SLC30A7: variants seen among roughly 807,000 people sequenced by gnomAD.
SLC30A7 encodes solute carrier family 30 member 7, also known as zinc transporter 7.
Under a neutral mutation model 46.0 loss-of-function variants are expected in SLC30A7, and 35 were observed. The observed-to-expected ratio is 0.76, with a 90% CI of 0.58 to 1.01. SLC30A7 has a LOEUF of 1.01. Among genes scored for constraint, SLC30A7 ranks in the 50% least tolerant of loss-of-function variants. SLC30A7 has a pLI of 0.00. For missense variants in SLC30A7, 464 were observed against 451.1 expected (o/e 1.03, Z -0.26); for synonymous variants, 147 against 157.8 (o/e 0.93, Z 0.51).
chr1:100,984,034 G>A (rs903872854), downstream of SLC30A7, among the ~76,000 whole-genome samples: 3 of 152,166 alleles, frequency 2.0e-5, no homozygotes, highest in Non-Finnish European at 4.4e-5. Flanking sequence ...GACCTCAGAA[G>A]AAGGCAAAGT....
chr1:100,926,768 A>AT (rs1653329724), intron 8 of SLC30A7, among the ~76,000 whole-genome samples: 1 of 102,290 alleles, frequency 9.8e-6, no homozygotes, highest in South Asian at 2.7e-4. Flanking sequence ...TGCCAGGCAA[A>AT]TAGCCTACCC....
At chr1:100,971,621 T>C (rs12136331) in intron 10 of SLC30A7, among the ~76,000 whole-genome samples, 1,545 of 152,262 alleles carry the variant, frequency 0.01, 14 homozygotes, top group Non-Finnish European at 0.017. Context: ...TGCCAAGTAC[T>C]GTGATCAGTA....
intron 6 of SLC30A7, among the ~76,000 whole-genome samples, chr1:100,915,701 T>A (rs1652497541): frequency 6.6e-6 from 1 of 152,216 alleles, no homozygotes; most frequent in African/African-American, 2.4e-5. Context: ...TTAGCTTGCT[T>A]CCATGTCTTG....
intron 8 of SLC30A7, among the ~76,000 whole-genome samples, chr1:100,934,069 T>G (rs1653818551): frequency 6.6e-6 from 1 of 152,244 alleles, no homozygotes; most frequent in Non-Finnish European, 1.5e-5. Flanking sequence ...ATCATTGTGC[T>G]TGGTGCACAG....
chr1:100,902,390 AATTTTTATTTTT>A (rs1310471194), intron 2 of SLC30A7, among the ~76,000 whole-genome samples: 1 of 152,140 alleles, frequency 6.6e-6, no homozygotes, highest in African/African-American at 2.4e-5. Context: ...GTGCAAAAGG[AATTTTTATTTTT>A]ATTTTTATTT....
chr1:100,920,801 T>G (rs1652886104), intron 7 of SLC30A7, among the ~76,000 whole-genome samples: 1 of 152,028 alleles, frequency 6.6e-6, no homozygotes, highest in Non-Finnish European at 1.5e-5. Flanking sequence ...TTTTTATGCA[T>G]TAACTATTTC....
rs1352603109 is a variant in SLC30A7 at position 100,978,862 on chromosome 1, A to C, written c.*4005A>C. The C allele has an allele frequency of 3.9e-5, 6 of 152,186 alleles. No homozygotes were observed. The highest frequency in any genetic ancestry group is 1.4e-4 in the African/African-American group (6 of 41,462). 9.4% of individuals were successfully genotyped at this position (152,186 alleles called of 1,614,324 possible). ...ACCAGTTCCTGACATTTTAAAAAACAATATCTGTAAAATGGATCCTTTTAT... is the reference window on the plus strand; with the variant it reads ...ACCAGTTCCTGACATTTTAAAAAACCATATCTGTAAAATGGATCCTTTTAT... On this transcript the variant is annotated 3_prime_UTR_variant, in exon 11 of 11. Coordinates refer to ENST00000357650, the MANE Select transcript of SLC30A7 (RefSeq NM_133496.5).
Position 100,896,270 on chromosome 1 carries a change from C to A in SLC30A7, c.8C>A (p.Pro3His), listed in dbSNP as rs1156604633. 6.2e-7 allele frequency: 1 copy of A among 1,614,200 alleles called. No homozygotes were observed. Among genetic ancestry groups the A allele is most frequent in the Non-Finnish European group, 8.5e-7 (1 of 1,180,036 alleles). The change falls in exon 1 of 11, where the codon CCC (proline) becomes CAC (histidine). Residue 3 changes from proline to histidine, a missense_variant. Coordinates refer to ENST00000357650, the MANE Select transcript of SLC30A7 (RefSeq NM_133496.5). ML[P>H]LSIKDDEYKP... ...CTTCGCCGGGCAGAGAAGATGTTGC[C>A]CCTGTCCATCAAAGACGATGAATAC...
chr1:100,896,680 A>AGGGGAAAATGGTTTG lies in SLC30A7; in HGVS notation c.182+12_182+26dup. 1 of 1,611,812 alleles carries AGGGGAAAATGGTTTG rather than the reference A, an allele frequency of 6.2e-7. No homozygotes were observed. The highest frequency in any genetic ancestry group is 2.2e-5 in the East Asian group (1 of 44,878). On this transcript the variant is annotated intron_variant, in intron 2 of 10. Coordinates refer to ENST00000357650, the MANE Select transcript of SLC30A7 (RefSeq NM_133496.5). Reference sequence around the variant, plus strand: ...GGCATCTGGAGCAACTGGTAACCAAAGGGGAAAATGGTTTGGGCGGAAGCT... The same window carrying AGGGGAAAATGGTTTG: ...GGCATCTGGAGCAACTGGTAACCAAAGGGGAAAATGGTTTGGGGGAAAATGGTTTGGGCGGAAGCT...
At chr1:100,931,003 G>C (rs1653631683) in intron 8 of SLC30A7, among the ~76,000 whole-genome samples, 1 of 151,970 alleles carries the variant, frequency 6.6e-6, no homozygotes, top group Admixed American at 6.6e-5. Flanking sequence ...TATCCTTGGG[G>C]CAATTGAGAA....
At chr1:100,995,539 T>G in the SLC30A7 span, 1 of 155,828 alleles carries the variant, frequency 6.4e-6, no homozygotes, top group Non-Finnish European at 1.4e-5. Flanking sequence ...AAAAAATCTT[T>G]TCCACATTTA....
intron 8 of SLC30A7, among the ~76,000 whole-genome samples, chr1:100,935,999 C>T (rs1292077302): frequency 6.6e-6 from 1 of 152,048 alleles, no homozygotes; most frequent in Non-Finnish European, 1.5e-5. Context: ...TAAAACTATA[C>T]CTCAGGTTTA....
At chr1:100,981,771 T>A (rs1374478756), downstream of SLC30A7, 1 of 152,244 alleles carries the variant, frequency 6.6e-6, no homozygotes, top group Admixed American at 6.5e-5. Flanking sequence ...GAATTGTGTC[T>A]TATCAGTTTG....
At chr1:100,988,415 A>G in the SLC30A7 span, among the ~76,000 whole-genome samples, 3,597 of 152,300 alleles carry the variant, frequency 0.024, 134 homozygotes, top group African/African-American at 0.079. Context: ...TTTGTACATT[A>G]CAAGCTATTA....
Position 100,912,095 on chromosome 1 carries a change from T to C in SLC30A7, c.385-17T>C. The C allele has an allele frequency of 6.2e-7, 1 of 1,609,148 alleles. No homozygotes were observed. Among genetic ancestry groups the C allele is most frequent in the Non-Finnish European group, 8.5e-7 (1 of 1,176,372 alleles). ...AAATAATATCTATGCTATTTGTTTG[T>C]ATTATGTGTTTTCTAGAGAGCATTA... On this transcript the variant is annotated splice_polypyrimidine_tract_variant and intron_variant, in intron 4 of 10. Transcript: ENST00000357650.
intron 8 of SLC30A7, among the ~76,000 whole-genome samples, chr1:100,933,970 A>G (rs1301569897): frequency 2.0e-5 from 3 of 152,170 alleles, no homozygotes; most frequent in East Asian, 1.9e-4. Flanking sequence ...TATTGTTTTC[A>G]TAAATGGTGG....
chr1:100,968,670 A>G (rs185151598), intron 10 of SLC30A7, among the ~76,000 whole-genome samples: 3 of 152,192 alleles, frequency 2.0e-5, no homozygotes, highest in African/African-American at 7.2e-5. Context: ...ATCCTACTCT[A>G]ACTAAAATAT....
intron 7 of SLC30A7, among the ~76,000 whole-genome samples, chr1:100,920,965 T>C (rs993755315): frequency 1.3e-5 from 2 of 152,116 alleles, no homozygotes; most frequent in Non-Finnish European, 2.9e-5. Context: ...GAAAGTATTG[T>C]ACATAAATCT....
chr1:100,922,760 A>G (rs936439876), intron 8 of SLC30A7, among the ~76,000 whole-genome samples: 1 of 152,178 alleles, frequency 6.6e-6, no homozygotes, highest in African/African-American at 2.4e-5. Context: ...TACAGTTGTT[A>G]TCTTTTAAGT....
Sources: allele counts gnomAD v4.1 joint callset (sites outside exome capture counted in the v4.1 genomes callset), GRCh38; gene constraint gnomAD v4.1.1; transcripts MANE v1.5; gene names NCBI Gene and HGNC (gene_info 2026-07-23, HGNC 2026-07-21).